Variants in RER1 observed in about 807,000 individuals in gnomAD.
RER1 encodes the protein retention in endoplasmic reticulum sorting receptor 1, also known as protein RER1.
RER1 carries 6 observed loss-of-function variants against 28.3 expected under a neutral mutation model. The observed-to-expected ratio is 0.21, with a 90% CI of 0.12 to 0.42. RER1 has a LOEUF of 0.42. Ranked by LOEUF, RER1 falls within the 10% of genes least tolerant of loss-of-function variation. RER1 has a pLI of 1.00. For synonymous variants in RER1, 110 were observed against 95.9 expected (o/e 1.15, Z -0.86); for missense variants, 159 against 252.9 (o/e 0.63, Z 2.52).
chr1:2,395,923 C>A, intron 2 of RER1, 52 bp downstream of exon 2: 1 of 1,362,756 alleles, frequency 7.3e-7, no homozygotes, highest in Non-Finnish European at 1.1e-6. Flanking sequence ...AGAAACGGGA[C>A]TCCCAGCATT....
At chr1:2,402,807 C>G (rs1380214944) in intron 6 of RER1, among the ~76,000 whole-genome samples, 2 of 152,222 alleles carry the variant, frequency 1.3e-5, no homozygotes, top group Admixed American at 6.5e-5. Context: ...TGCCCTTCCT[C>G]CACGGGAGGC....
intron 1 of RER1, chr1:2,395,308 T>G (rs923455923): frequency 1.6e-4 from 28 of 173,214 alleles, no homozygotes; most frequent in African/African-American, 6.6e-4. Context: ...GACCTGGCCC[T>G]GAGAGGACAG....
chr1:2,403,392 G>A lies in RER1; in HGVS notation c.*268G>A. Reference sequence around the variant, plus strand: ...GCAGGCGGGAAGCCAGGCGGGTGGAGCCCATGGGAGCAAGGGCGAGTGGCC... The same window carrying A: ...GCAGGCGGGAAGCCAGGCGGGTGGAACCCATGGGAGCAAGGGCGAGTGGCC... On this transcript the variant is annotated 3_prime_UTR_variant, in exon 7 of 7. Transcript: ENST00000605895. The A allele has an allele frequency of 2.5e-6, 1 of 406,716 alleles. No homozygotes were observed. The allele number at this position is 406,716 out of a possible 1,614,324, so 25.2% of individuals were successfully genotyped here.
chr1:2,392,580 G>A (rs1642698221), intron 1 of RER1, among the ~76,000 whole-genome samples: 2 of 152,230 alleles, frequency 1.3e-5, no homozygotes, highest in East Asian at 1.9e-4. Flanking sequence ...ACAGCACAGA[G>A]GGCTGCTTTC....
At chr1:2,395,187 G>A (rs1469529982) in intron 1 of RER1, 1 of 154,216 alleles carries the variant, frequency 6.5e-6, no homozygotes, top group Non-Finnish European at 1.4e-5. Flanking sequence ...TCACAGCAGT[G>A]TTGAAATAGG....
At position 2,403,370 on chromosome 1, in the gene RER1, G is replaced by T; in HGVS notation, c.*246G>T. ...ACGGATGGAATTCTAGTCAGCTGCA[G>T]GCGGGAAGCCAGGCGGGTGGAGCCC... On this transcript the variant is annotated 3_prime_UTR_variant, in exon 7 of 7. Coordinates refer to ENST00000605895, the MANE Select transcript of RER1 (RefSeq NM_007033.5). The T allele has an allele frequency of 2.3e-6, 1 of 436,050 alleles. No individual in the cohort carries two copies. Among genetic ancestry groups the T allele is most frequent in the South Asian group, 2.1e-5 (1 of 47,030 alleles). The allele number at this position is 436,050 out of a possible 1,614,324, so 27.0% of individuals were successfully genotyped here. A position where few individuals can be genotyped will look rare whatever the true frequency, so the allele number is the denominator to read the frequency against.
At chr1:2,395,600 C>T in intron 1 of RER1, 184 bp from the exon 2 acceptor site, 1 of 588,538 alleles carries the variant, frequency 1.7e-6, no homozygotes, top group African/African-American at 1.9e-5. Context: ...GCTGCCCTTC[C>T]TCTCCAGGGA....
In RER1 at chr1:2,403,108, A is replaced by T; in HGVS notation, c.575A>T (p.Lys192Met). The T allele has an allele frequency of 6.2e-7, 1 of 1,614,070 alleles. No individual in the cohort carries two copies. The highest frequency in any genetic ancestry group is 8.5e-7 in the Non-Finnish European group (1 of 1,179,940). ...RRYRGKEDAG[K>M]AFAS ...TACAGAGGCAAGGAGGATGCCGGCA[A>T]GGCCTTCGCCAGCTAGAAGCGGGAC... The change falls in exon 7 of 7, where the codon AAG (lysine) becomes ATG (methionine). Residue 192 changes from lysine to methionine, a missense_variant. Physicochemically the swap from Lys to Met is moderately conservative, Grantham distance 95. Coordinates refer to ENST00000605895, the MANE Select transcript of RER1 (RefSeq NM_007033.5).
rs542288336 is a variant in RER1 at position 2,392,427 on chromosome 1, C to T, written c.-8+469C>T. ...GTTAAGCTCTGGGGTGAAGGCGTTA[C>T]TGACGGGCTGAAGGGAAACTAGTTA... On this transcript the variant is annotated intron_variant, in intron 1 of 6. Coordinates refer to ENST00000605895, the MANE Select transcript of RER1 (RefSeq NM_007033.5). Among the ~76,000 whole-genome samples, 42 of 152,328 alleles carry T rather than the reference C, an allele frequency of 2.8e-4. No homozygotes were observed. The East Asian group carries it at 6.2e-3, about 22-fold the overall frequency.
chr1:2,392,671 ATTTT>A (rs1184405692), intron 1 of RER1, among the ~76,000 whole-genome samples: 2 of 152,086 alleles, frequency 1.3e-5, no homozygotes, highest in Non-Finnish European at 2.9e-5. Flanking sequence ...GAAGCACTTT[ATTTT>A]TAGTTGAGTT....
At chr1:2,399,663 G>C in intron 4 of RER1, 149 bp downstream of exon 4, 1 of 629,318 alleles carries the variant, frequency 1.6e-6, no homozygotes, top group Non-Finnish European at 2.8e-6. Context: ...TATGTTTGTA[G>C]AATGACTCTT....
In RER1 at chr1:2,391,866, C is replaced by G; in HGVS notation, c.-100C>G. ...AAGTGCTCGCTGCAGCTTCCCGGAG[C>G]CGGAGCGCAGCGCCTGCGGCCGCCC... On this transcript the variant is annotated 5_prime_UTR_variant, in exon 1 of 7. Coordinates refer to ENST00000605895, the MANE Select transcript of RER1 (RefSeq NM_007033.5). The G allele has an allele frequency of 3.6e-6, 1 of 277,394 alleles. No homozygotes were observed. The highest frequency in any genetic ancestry group is 6.7e-6 in the Non-Finnish European group (1 of 150,242). 17.2% of individuals were successfully genotyped at this position (277,394 alleles called of 1,614,324 possible).
At position 2,399,139 on chromosome 1, in the gene RER1, C is replaced by T. The variant is rs532271962; in HGVS notation, c.187-276C>T. On this transcript the variant is annotated intron_variant, in intron 3 of 6. Transcript: ENST00000605895. ...GCTCCTTGTGGGGCGTCTGTGGCTT[C>T]AGGGATCACATGTGTCTAACTGGAC... Among the ~76,000 whole-genome samples, 3 of 152,330 alleles carry T rather than the reference C, an allele frequency of 2.0e-5. No individual in the cohort carries two copies. In the South Asian group the frequency reaches 6.2e-4, roughly 32 times the overall value.
intron 5 of RER1, among the ~76,000 whole-genome samples, chr1:2,401,242 T>C (rs1570083389): frequency 5.2e-5 from 4 of 76,246 alleles, no homozygotes; most frequent in Admixed American, 5.1e-4. Context: ...CCTCCCTCCT[T>C]CCTCCCTCCT....
At chr1:2,395,130 C>T (rs1307743113) in intron 1 of RER1, 1 of 152,552 alleles carries the variant, frequency 6.6e-6, no homozygotes, top group Non-Finnish European at 1.5e-5. Flanking sequence ...AGTGGGTGAA[C>T]AATGTGACCT....
chr1:2,395,119 A>C (rs1032932067), intron 1 of RER1: 1 of 152,484 alleles, frequency 6.6e-6, no homozygotes, highest in Admixed American at 6.5e-5. Flanking sequence ...TCTGGGAATT[A>C]AGTGGGTGAA....
chr1:2,402,199 A>C lies in RER1; in HGVS notation c.366-8A>C. ...GATGCGGCGCTAACCTTCTCTCCCC[A>C]CTTGAAGGCATGCGGCTACCAAGGG... On this transcript the variant is annotated splice_polypyrimidine_tract_variant and splice_region_variant and intron_variant, in intron 5 of 6. Coordinates refer to ENST00000605895, the MANE Select transcript of RER1 (RefSeq NM_007033.5). The C allele has an allele frequency of 6.2e-7, 1 of 1,614,096 alleles. No individual in the cohort carries two copies. Among genetic ancestry groups the C allele is most frequent in the Non-Finnish European group, 8.5e-7 (1 of 1,180,028 alleles).
intron 3 of RER1, among the ~76,000 whole-genome samples, chr1:2,398,121 G>A (rs1399083323): frequency 3.3e-5 from 5 of 152,242 alleles, no homozygotes; most frequent in African/African-American, 9.7e-5. Context: ...GTTTTATTGC[G>A]TTCGAAACCA....
At chr1:2,398,934 G>C (rs1346616785) in intron 3 of RER1, among the ~76,000 whole-genome samples, 3 of 152,202 alleles carry the variant, frequency 2.0e-5, no homozygotes, top group African/African-American at 7.2e-5. Context: ...AATGTGAATT[G>C]TCTGTTGGAG....
Sources: gnomAD v4.1 joint callset for allele counts (sites outside exome capture counted in the v4.1 genomes callset) on GRCh38, gnomAD v4.1.1 for gene constraint, MANE v1.5 for transcripts, NCBI Gene and HGNC (gene_info 2026-07-23, HGNC 2026-07-21) for gene names.